PARP16: variants seen among roughly 807,000 people sequenced by gnomAD.
PARP16 encodes poly(ADP-ribose) polymerase family member 16, also known as protein mono-ADP-ribosyltransferase PARP16.
Under a neutral mutation model 35.0 loss-of-function variants are expected in PARP16, and 31 were observed. The ratio of observed to expected loss-of-function variants is 0.88; its 90% CI spans 0.66 to 1.19. The LOEUF (loss-of-function observed/expected upper bound fraction) is 1.19, where lower values mean the gene tolerates loss of function less well. Ranked by LOEUF, PARP16 falls within the 50% of genes most tolerant of loss-of-function variation. The pLI is 0.00. For missense variants in PARP16, 424 were observed against 411.2 expected, an observed-to-expected ratio of 1.03 and a Z score of -0.27; for synonymous variants, 162 against 169.5, an observed-to-expected ratio of 0.96 and a Z score of 0.34.
chr15:65,255,649 T>C (rs1252832021), downstream of PARP16, among the ~76,000 whole-genome samples: 1 of 148,400 alleles, frequency 6.7e-6, no homozygotes, highest in Admixed American at 6.8e-5. Flanking sequence ...GTATCCTCTG[T>C]GCCCACAGTC....
At chr15:65,255,643 C>A (rs917663929), downstream of PARP16, among the ~76,000 whole-genome samples, 2 of 150,780 alleles carry the variant, frequency 1.3e-5, no homozygotes, top group African/African-American at 4.9e-5. Context: ...CTTTATGTAT[C>A]CTCTGTGCCC....
In PARP16 at chr15:65,273,472, C is replaced by T. The variant is rs184005545; in HGVS notation, c.175-2400G>A. 2.7e-3 allele frequency among the ~76,000 whole-genome samples: 405 copies of T among 151,808 alleles called. 2 individuals carry two copies. Among genetic ancestry groups the T allele is most frequent in the African/African-American group, 9.2e-3 (383 of 41,414 alleles). Reference sequence around the variant, plus strand: ...CTTAAGGCCAGGAGTTAGAGACCAGCTAGGGAAACACAGTGAGATGGCTCT... The same window carrying T: ...CTTAAGGCCAGGAGTTAGAGACCAGTTAGGGAAACACAGTGAGATGGCTCT... On this transcript the variant is annotated intron_variant, in intron 1 of 5. Coordinates refer to ENST00000649807, the MANE Select transcript of PARP16 (RefSeq NM_001316943.2).
Position 65,286,547 on chromosome 15 carries a change from G to C in PARP16, c.-121C>G. ...GTCAGGGGCCGGGTTCCCAAGCCTG[G>C]GGTGGAGCTAGGCAGGGGGCTGAGA... On this transcript the variant is annotated 5_prime_UTR_variant, in exon 1 of 6. Transcript: ENST00000649807. The C allele has an allele frequency of 1.4e-6, 1 of 701,416 alleles. No homozygotes were observed. Among genetic ancestry groups the C allele is most frequent in the Non-Finnish European group, 2.2e-6 (1 of 455,730 alleles). 43.4% of individuals were successfully genotyped at this position (701,416 alleles called of 1,614,324 possible).
chr15:65,252,218 T>C (rs938452428), intron 2 of PARP16, among the ~76,000 whole-genome samples: 20 of 152,062 alleles, frequency 1.3e-4, no homozygotes, highest in African/African-American at 4.8e-4. Flanking sequence ...GGGAGTTGGT[T>C]CCCCAGAGAG....
At chr15:65,246,125 C>T (rs1329022985) in intron 3 of PARP16, among the ~76,000 whole-genome samples, 3 of 152,284 alleles carry the variant, frequency 2.0e-5, no homozygotes, top group South Asian at 2.1e-4. Context: ...CTCAGGGCCT[C>T]GGCCACCCTG....
intron 2 of PARP16, among the ~76,000 whole-genome samples, chr15:65,249,013 C>T (rs2089286714): frequency 6.6e-6 from 1 of 152,134 alleles, no homozygotes; most frequent in East Asian, 1.9e-4. Context: ...TAGTGAATAG[C>T]GCTTTTCCAG....
chr15:65,284,616 G>T (rs935240202), intron 1 of PARP16, among the ~76,000 whole-genome samples: 2 of 150,498 alleles, frequency 1.3e-5, no homozygotes, highest in East Asian at 4.0e-4. Context: ...GTGAGCCACC[G>T]CACTCGGCCT....
At chr15:65,269,586 A>G (rs1158555298) in intron 2 of PARP16, among the ~76,000 whole-genome samples, 2 of 152,244 alleles carry the variant, frequency 1.3e-5, no homozygotes, top group African/African-American at 2.4e-5. Context: ...TAAGGGCTAT[A>G]TAACAGATAT....
At chr15:65,276,981 T>TAA (rs566620242) in intron 1 of PARP16, among the ~76,000 whole-genome samples, 9 of 139,746 alleles carry the variant, frequency 6.4e-5, no homozygotes, top group South Asian at 2.3e-4. Flanking sequence ...AAACTTCATC[T>TAA]AAAAAAAAAA....
chr15:65,254,488 G>A (rs1458271912), downstream of PARP16, among the ~76,000 whole-genome samples: 2 of 152,004 alleles, frequency 1.3e-5, no homozygotes, highest in Non-Finnish European at 2.9e-5. Context: ...GCAGGAGACT[G>A]ACAAAGGCAA....
intron 3 of PARP16, among the ~76,000 whole-genome samples, chr15:65,246,856 G>A (rs1375728034): frequency 6.6e-6 from 1 of 152,114 alleles, no homozygotes; most frequent in Non-Finnish European, 1.5e-5. Context: ...CCCTAAACAT[G>A]TGGTTTACAT....
rs769905268 is a variant in PARP16, at chr15:65,260,886, T to G, written c.832A>C (p.Arg278=). 5.0e-6 allele frequency: 8 copies of G among 1,613,722 alleles called. No homozygotes were observed. The highest frequency in any genetic ancestry group is 6.8e-6 in the Non-Finnish European group (8 of 1,179,778). ...LLVYSQKPPK[R]ASSQLSWFSS... is the part of the protein sequence containing the mutation. ...ATTAGTTGTTCTCTTGGACCTTACCTCTTGGGTGGCTTCTGTGAATACACC... is the reference window on the plus strand; with the variant it reads ...ATTAGTTGTTCTCTTGGACCTTACCGCTTGGGTGGCTTCTGTGAATACACC... Residue 278 remains arginine, a splice_region_variant and synonymous_variant, in exon 5 of 6, where the codon AGG becomes CGG. Coordinates refer to ENST00000649807, the MANE Select transcript of PARP16 (RefSeq NM_001316943.2).
intron 1 of PARP16, among the ~76,000 whole-genome samples, chr15:65,283,854 C>T (rs1032655757): frequency 2.0e-5 from 3 of 152,234 alleles, no homozygotes; most frequent in African/African-American, 7.2e-5. Context: ...GGTCCTGATA[C>T]ACCACACTCA....
intron 2 of PARP16, among the ~76,000 whole-genome samples, chr15:65,268,179 T>C (rs2089970136): frequency 6.6e-6 from 1 of 152,194 alleles, no homozygotes; most frequent in African/African-American, 2.4e-5. Flanking sequence ...CTTGGCCATG[T>C]GACCTGCTTT....
chr15:65,283,043 C>A (rs1399592394), intron 1 of PARP16, among the ~76,000 whole-genome samples: 3 of 152,178 alleles, frequency 2.0e-5, no homozygotes, highest in Non-Finnish European at 2.9e-5. Context: ...ATCCCATATT[C>A]ACCAAACAAA....
intron 2 of PARP16, among the ~76,000 whole-genome samples, chr15:65,269,212 T>TTTC (rs2090018388): frequency 1.0e-5 from 1 of 96,064 alleles, no homozygotes; most frequent in Non-Finnish European, 2.2e-5. Context: ...TTCTTTTTTT[T>TTTC]TTGAGATACA....
At chr15:65,247,761 C>T (rs190976250) in intron 3 of PARP16, among the ~76,000 whole-genome samples, 1 of 149,922 alleles carries the variant, frequency 6.7e-6, no homozygotes, top group African/African-American at 2.5e-5. Context: ...TATACACAGG[C>T]GATAACACAC....
intron 2 of PARP16, among the ~76,000 whole-genome samples, chr15:65,251,803 C>T (rs994154755): frequency 2.6e-5 from 4 of 151,322 alleles, no homozygotes; most frequent in Non-Finnish European, 4.4e-5. Flanking sequence ...CTCGCTCTGT[C>T]GCCCAGGCTG....
At chr15:65,269,136 C>A (rs1382295309) in intron 2 of PARP16, among the ~76,000 whole-genome samples, 3 of 151,774 alleles carry the variant, frequency 2.0e-5, no homozygotes, top group Non-Finnish European at 2.9e-5. Flanking sequence ...CCAAGACAAG[C>A]CAGGACAATG....
Sources: allele counts gnomAD v4.1 joint callset (sites outside exome capture counted in the v4.1 genomes callset), GRCh38; gene constraint gnomAD v4.1.1; transcripts MANE v1.5; gene names NCBI Gene and HGNC (gene_info 2026-07-23, HGNC 2026-07-21).